The following TTC7B variants were observed in gnomAD, a reference collection of about 807,000 sequenced individuals.
TTC7B encodes the protein tetratricopeptide repeat domain 7B.
Under a neutral mutation model 106.8 loss-of-function variants are expected in TTC7B, and 28 were observed. The observed-to-expected ratio is 0.26, with a 90% confidence interval of 0.19 to 0.36. TTC7B has a LOEUF of 0.36. Ranked by LOEUF, TTC7B falls within the 10% of genes least tolerant of loss-of-function variation. TTC7B has a pLI of 1.00. For synonymous variants in TTC7B, 405 were observed against 430.6 expected (o/e 0.94, Z 0.74); for missense variants, 862 against 1,076.4 (o/e 0.80, Z 2.79).
chr14:90,679,028 C>T (rs781554856), intron 8 of TTC7B, among the ~76,000 whole-genome samples: 6 of 152,170 alleles, frequency 3.9e-5, no homozygotes, highest in African/African-American at 1.4e-4. Flanking sequence ...ATGGATGACC[C>T]GGTGGGGAAG....
chr14:90,704,511 A>G (rs538331406), intron 5 of TTC7B, among the ~76,000 whole-genome samples: 1 of 152,342 alleles, frequency 6.6e-6, no homozygotes, highest in East Asian at 1.9e-4. Flanking sequence ...GTCGTGCAGA[A>G]GCCTGCAGTC....
chr14:90,648,849 T>A (rs1235310237), intron 13 of TTC7B: 1 of 152,244 alleles, frequency 6.6e-6, no homozygotes, highest in Non-Finnish European at 1.5e-5. Context: ...TAGATTTATT[T>A]TATCTTCTTT....
intron 15 of TTC7B, among the ~76,000 whole-genome samples, chr14:90,636,916 C>T (rs1341791823): frequency 6.7e-6 from 1 of 150,050 alleles, no homozygotes; most frequent in Non-Finnish European, 1.5e-5. Flanking sequence ...GTCTTAAATG[C>T]TTATGTCAGA....
intron 19 of TTC7B, among the ~76,000 whole-genome samples, chr14:90,542,850 A>G (rs1889667224): frequency 6.6e-6 from 1 of 152,164 alleles, no homozygotes; most frequent in South Asian, 2.1e-4. Context: ...CCCTTAGGGC[A>G]AATCTCCCCA....
At chr14:90,631,207 C>T (rs1789335946) in intron 15 of TTC7B, among the ~76,000 whole-genome samples, 1 of 152,170 alleles carries the variant, frequency 6.6e-6, no homozygotes, top group Admixed American at 6.5e-5. Context: ...ACCATTCATT[C>T]ATTGATAGGC....
intron 19 of TTC7B, among the ~76,000 whole-genome samples, chr14:90,559,744 T>A (rs1314332280): frequency 6.6e-6 from 1 of 152,200 alleles, no homozygotes; most frequent in Non-Finnish European, 1.5e-5. Context: ...ACATCCTATA[T>A]GCTGGGCAGG....
At chr14:90,591,831 G>A (rs1891972168) in intron 18 of TTC7B, among the ~76,000 whole-genome samples, 1 of 152,312 alleles carries the variant, frequency 6.6e-6, no homozygotes, top group African/African-American at 2.4e-5. Context: ...CCAGGAACTG[G>A]ACTTTTGCAT....
chr14:90,587,148 A>AT (rs887381407), intron 18 of TTC7B, among the ~76,000 whole-genome samples: 26 of 151,876 alleles, frequency 1.7e-4, no homozygotes, highest in Non-Finnish European at 2.9e-4. Context: ...AGCTGGAGTG[A>AT]TTTTTTTTCC....
In TTC7B at chr14:90,654,961, C is replaced by G. The variant is rs752589716; in HGVS notation, c.1459+32G>C. 6 of 1,516,922 alleles carry G rather than the reference C, an allele frequency of 4.0e-6. No homozygotes were observed. The South Asian group carries it at 6.7e-5, about 17-fold the overall frequency. 94.0% of individuals were successfully genotyped at this position (1,516,922 alleles called of 1,614,324 possible). ...AGACTTAGGTAGTCCAGCCCTGCAGCTCAGCAGCTGTGGGGGTGGGACGTC... is the reference window on the plus strand; with the variant it reads ...AGACTTAGGTAGTCCAGCCCTGCAGGTCAGCAGCTGTGGGGGTGGGACGTC... On this transcript the variant is annotated intron_variant, in intron 12 of 19. Coordinates refer to ENST00000328459, the MANE Select transcript of TTC7B (RefSeq NM_001010854.2).
At chr14:90,584,835 G>A (rs966096085) in intron 18 of TTC7B, among the ~76,000 whole-genome samples, 2 of 152,094 alleles carry the variant, frequency 1.3e-5, no homozygotes, top group African/African-American at 4.8e-5. Flanking sequence ...ATCGCAGGGT[G>A]TCTGCTAGCA....
chr14:90,811,892 G>A (rs2030919107), intron 1 of TTC7B, among the ~76,000 whole-genome samples: 1 of 152,220 alleles, frequency 6.6e-6, no homozygotes. Flanking sequence ...CGTCCGTCAG[G>A]ACAGTCGCAG....
At chr14:90,714,474 T>TA (rs137861682) in intron 5 of TTC7B, among the ~76,000 whole-genome samples, 2 of 148,158 alleles carry the variant, frequency 1.3e-5, no homozygotes, top group East Asian at 3.9e-4. Context: ...TTTTTTTTTT[T>TA]AGAGATAGTC....
At chr14:90,752,772 C>T (rs1292652876) in intron 3 of TTC7B, among the ~76,000 whole-genome samples, 1 of 152,214 alleles carries the variant, frequency 6.6e-6, no homozygotes, top group Non-Finnish European at 1.5e-5. Context: ...AGCCAGGTTC[C>T]GACCCCTGGT....
chr14:90,659,495 C>G (rs1036030749), intron 9 of TTC7B, among the ~76,000 whole-genome samples: 1 of 151,932 alleles, frequency 6.6e-6, no homozygotes, highest in Non-Finnish European at 1.5e-5. Flanking sequence ...GAAGAGTATT[C>G]AGAGGCAAGG....
chr14:90,529,309 C>T lies in TTC7B; in HGVS notation c.*12059G>A, dbSNP rs189923775. The stretch of plus-strand genomic sequence containing the variant: ...AGCCCTCACCACCGCTAATGACTGG[C>T]TACCACACAGAGGTTCCAGGCAGAG... On this transcript the variant is annotated 3_prime_UTR_variant, in exon 20 of 20. Transcript: ENST00000328459. 2 of 152,564 alleles carry T rather than the reference C, an allele frequency of 1.3e-5. No individual in the cohort carries two copies. The highest frequency in any genetic ancestry group is 4.8e-5 in the African/African-American group (2 of 41,580). 9.5% of individuals were successfully genotyped at this position (152,564 alleles called of 1,614,324 possible). A position where few individuals can be genotyped will look rare whatever the true frequency, so the allele number is the denominator to read the frequency against.
chr14:90,776,008 A>G (rs1891015162), intron 3 of TTC7B, among the ~76,000 whole-genome samples: 1 of 152,070 alleles, frequency 6.6e-6, no homozygotes, highest in Admixed American at 6.6e-5. Context: ...TCTGTTTATA[A>G]AGCAGAGATA....
Position 90,541,266 on chromosome 14 carries a change from C to A in TTC7B, c.*102G>T, listed in dbSNP as rs755413541. 1.8e-6 allele frequency: 2 copies of A among 1,111,566 alleles called. No individual in the cohort carries two copies. Among genetic ancestry groups the A allele is most frequent in the Non-Finnish European group, 2.5e-6 (2 of 793,434 alleles). 68.9% of individuals were successfully genotyped at this position (1,111,566 alleles called of 1,614,324 possible). ...TGGCCCACTGAACACTCGTCCCTGG[C>A]CTCAGTGTGGCAGATTCATCCCCTT... On this transcript the variant is annotated 3_prime_UTR_variant, in exon 20 of 20. Coordinates refer to ENST00000328459, the MANE Select transcript of TTC7B (RefSeq NM_001010854.2).
chr14:90,574,888 T>A (rs534843888), intron 19 of TTC7B, among the ~76,000 whole-genome samples: 10 of 152,268 alleles, frequency 6.6e-5, no homozygotes, highest in African/African-American at 2.2e-4. Flanking sequence ...CCACGACCTG[T>A]CTCCCAGTTG....
chr14:90,626,343 C>T (rs1884439391), intron 15 of TTC7B, among the ~76,000 whole-genome samples: 1 of 152,168 alleles, frequency 6.6e-6, no homozygotes, highest in African/African-American at 2.4e-5. Flanking sequence ...CAAAGGAAGG[C>T]CACCCCTGCC....
Sources: gnomAD v4.1 joint callset for allele counts (sites outside exome capture counted in the v4.1 genomes callset) on GRCh38, gnomAD v4.1.1 for gene constraint, MANE v1.5 for transcripts, NCBI Gene and HGNC (gene_info 2026-07-23, HGNC 2026-07-21) for gene names.